Variants in PGBD1 observed in about 807,000 individuals in gnomAD.
PGBD1 encodes the protein piggyBac transposable element-derived protein 1.
In PGBD1, 25 loss-of-function variants were observed where a neutral mutation model predicts 34.7. The observed-to-expected ratio is 0.72, with a 90% confidence interval of 0.52 to 1.00. PGBD1 has a LOEUF of 1.00. Among genes scored for constraint, PGBD1 ranks in the 50% least tolerant of loss-of-function variants. The probability of loss-of-function intolerance (pLI) is 0.00; values close to 1 mark genes in which losing one functional copy is unlikely to be tolerated. For missense variants in PGBD1, 830 were observed against 959.4 expected, an observed-to-expected ratio of 0.87 and a Z score of 1.78; for synonymous variants, 292 against 335.7, an observed-to-expected ratio of 0.87 and a Z score of 1.42.
Position 28,302,251 on chromosome 6 carries a change from C to T in PGBD1, c.2397C>T (p.Phe799=). ...PLDFRRFVAH[F]YLEHNAHLSD ...ATTTTCGGAGATTTGTTGCACATTT[C>T]TACTTGGAACACAATGCTCATCTGT... Residue 799 remains phenylalanine (F), a synonymous_variant, in exon 7 of 7, where the codon TTC becomes TTT. Transcript: ENST00000682144. 6.2e-7 allele frequency: 1 copy of T among 1,613,624 alleles called. No homozygotes were observed. Among genetic ancestry groups the T allele is most frequent in the Non-Finnish European group, 8.5e-7 (1 of 1,179,648 alleles).
rs1561885351 is a variant in PGBD1 at position 28,285,638 on chromosome 6, C to T, written c.484C>T (p.Leu162=). ...VSLECQSLQL[L]PGITTLKCEP... Reference sequence around the variant, plus strand: ...TTTGGAGTGTCAGAGCCTCCAGCTCCTGCCTGGGATAACCACCCTGAAGTG... The same window carrying T: ...TTTGGAGTGTCAGAGCCTCCAGCTCTTGCCTGGGATAACCACCCTGAAGTG... The change falls in exon 3 of 7, where the codon CTG becomes TTG. Residue 162 remains leucine, a synonymous_variant. Coordinates refer to ENST00000682144, the MANE Select transcript of PGBD1 (RefSeq NM_032507.4). The T allele has an allele frequency of 6.2e-7, 1 of 1,614,054 alleles. No homozygotes were observed. The highest frequency in any genetic ancestry group is 8.5e-7 in the Non-Finnish European group (1 of 1,180,046).
chr6:28,285,114 A>G lies in PGBD1; in HGVS notation c.397-437A>G, dbSNP rs184403380. On this transcript the variant is annotated intron_variant, in intron 2 of 6. Coordinates refer to ENST00000682144, the MANE Select transcript of PGBD1 (RefSeq NM_032507.4). ...AGTACAGCTAGTTTTTTTGGAGACT[A>G]TCCCTCAATTTGAGTTTGTCCTATA... 5.9e-5 allele frequency among the ~76,000 whole-genome samples: 9 copies of G among 152,294 alleles called. No individual in the cohort carries two copies. The East Asian group carries it at 1.5e-3, about 26-fold the overall frequency.
chr6:28,296,313 T>C (rs1701461936), intron 4 of PGBD1, among the ~76,000 whole-genome samples: 1 of 152,254 alleles, frequency 6.6e-6, no homozygotes, highest in South Asian at 2.1e-4. Flanking sequence ...TGCAATATTA[T>C]ATTGAAGTGC....
intron 2 of PGBD1, 107 bp downstream of exon 2, chr6:28,284,316 G>A (rs1271383200): frequency 8.1e-7 from 1 of 1,237,814 alleles, no homozygotes; most frequent in Non-Finnish European, 1.1e-6. Context: ...AGAAGTATTA[G>A]AAGAATAGAG....
Position 28,296,971 on chromosome 6 carries a change from C to G in PGBD1, c.772+26C>G, listed in dbSNP as rs200730164. Reference sequence around the variant, plus strand: ...GTAAGGCCAGGCCTCTGGCTGGACCCCTGTCTGGACTCTCATTTTCCTGTC... The same window carrying G: ...GTAAGGCCAGGCCTCTGGCTGGACCGCTGTCTGGACTCTCATTTTCCTGTC... On this transcript the variant is annotated intron_variant, in intron 5 of 6. Transcript: ENST00000682144. 3.1e-4 allele frequency: 493 copies of G among 1,612,490 alleles called. 2 individuals are homozygous for G. The highest frequency in any genetic ancestry group is 8.5e-4 in the Middle Eastern group (5 of 5,868).
chr6:28,297,128 T>A (rs1187851557), intron 5 of PGBD1, among the ~76,000 whole-genome samples, 183 bp downstream of exon 5: 2 of 152,242 alleles, frequency 1.3e-5, no homozygotes, highest in Non-Finnish European at 2.9e-5. Context: ...CATTTTCTTC[T>A]GTTACTAATC....
chr6:28,287,178 A>G lies in PGBD1; in HGVS notation c.642+10A>G. ...CCCAGTCAGGTCCCAGGTAAGTAGG[A>G]TGCCCAAGCTTGTAGGAATATCAGT... is the stretch of plus-strand genomic sequence containing the variant. On this transcript the variant is annotated intron_variant, in intron 4 of 6. Coordinates refer to ENST00000682144, the MANE Select transcript of PGBD1 (RefSeq NM_032507.4). 6.3e-7 allele frequency: 1 copy of G among 1,596,346 alleles called. No homozygotes were observed. The highest frequency in any genetic ancestry group is 1.7e-5 in the Admixed American group (1 of 59,984).
At chr6:28,290,376 G>A (rs907134091) in intron 4 of PGBD1, among the ~76,000 whole-genome samples, 6 of 152,210 alleles carry the variant, frequency 3.9e-5, no homozygotes, top group East Asian at 1.9e-4. Context: ...GATTACAGGC[G>A]TGAGACACCA....
chr6:28,284,339 AC>A, intron 2 of PGBD1, 130 bp downstream of exon 2: 1 of 1,071,716 alleles, frequency 9.3e-7, no homozygotes, highest in Non-Finnish European at 1.2e-6. Context: ...CTCCCGTAAA[AC>A]TCTTCATCCA....
intron 2 of PGBD1, 77 bp from the exon 3 acceptor site, chr6:28,285,474 G>A: frequency 1.4e-6 from 2 of 1,420,088 alleles, no homozygotes; most frequent in Non-Finnish European, 1.9e-6. Context: ...TGTATCCCCA[G>A]CATGTAGAAC....
intron 4 of PGBD1, among the ~76,000 whole-genome samples, chr6:28,290,360 T>C (rs969899543): frequency 1.3e-5 from 2 of 152,178 alleles, no homozygotes; most frequent in Admixed American, 1.3e-4. Flanking sequence ...CCTCCCAAAG[T>C]TCTGGGATTA....
At chr6:28,298,914 G>C (rs1762738957) in intron 6 of PGBD1, among the ~76,000 whole-genome samples, 2 of 152,112 alleles carry the variant, frequency 1.3e-5, no homozygotes, top group Admixed American at 1.3e-4. Context: ...AGAAAAGAGA[G>C]AGTAAGCAAG....
Position 28,301,268 on chromosome 6 carries a change from C to T in PGBD1, c.1414C>T (p.His472Tyr), listed in dbSNP as rs1351210315. 1.2e-6 allele frequency: 2 copies of T among 1,614,048 alleles called. No homozygotes were observed. The highest frequency in any genetic ancestry group is 1.7e-5 in the Admixed American group (1 of 60,018). ...CTTACTTTTGAGTGGATTTATGAGG[C>T]ATCCTAGAAGGGAAATGTATTGGGA... ...GVLLLSGFMR[H>Y]PRREMYWEVS... is the part of the protein sequence containing the mutation. The change falls in exon 7 of 7, where the codon CAT becomes TAT. Residue 472 changes from histidine to tyrosine, a missense_variant. This residue lies in a region of PGBD1 where 372 missense variants were observed against 427.9 expected (regional missense o/e 0.87). Coordinates refer to ENST00000682144, the MANE Select transcript of PGBD1 (RefSeq NM_032507.4).
chr6:28,293,006 G>A (rs568405818), intron 4 of PGBD1, among the ~76,000 whole-genome samples: 1 of 152,006 alleles, frequency 6.6e-6, no homozygotes, highest in African/African-American at 2.4e-5. Flanking sequence ...GCAGTGGCGC[G>A]ATCTCAGCTC....
In PGBD1 at chr6:28,285,688, G is replaced by A; in HGVS notation, c.534G>A (p.Gly178=). The change falls in exon 3 of 7, where the codon GGG becomes GGA. Residue 178 remains glycine, a synonymous_variant. Transcript: ENST00000682144. ...GTGAACCTCCACAGCGTCCTCAAGG[G>A]AACCCCCAAGAAGTGAGTGGTGAGT... ...LKCEPPQRPQ[G]NPQEVSGPVP... 1 of 1,613,584 alleles carries A rather than the reference G, an allele frequency of 6.2e-7. No homozygotes were observed. The highest frequency in any genetic ancestry group is 1.1e-5 in the South Asian group (1 of 91,054).
At chr6:28,297,792 G>T in intron 5 of PGBD1, 103 bp from the exon 6 acceptor site, 1 of 630,606 alleles carries the variant, frequency 1.6e-6, no homozygotes. Flanking sequence ...GTTTGATTTG[G>T]AACATCTATT....
chr6:28,287,511 C>T (rs1312388395), intron 4 of PGBD1, among the ~76,000 whole-genome samples: 3 of 152,104 alleles, frequency 2.0e-5, no homozygotes, highest in Non-Finnish European at 4.4e-5. Context: ...TGGTTTATCT[C>T]CCCAGCTTTA....
At chr6:28,296,762 G>T in intron 4 of PGBD1, 54 bp from the exon 5 acceptor site, 1 of 1,601,268 alleles carries the variant, frequency 6.2e-7, no homozygotes, top group Non-Finnish European at 8.5e-7. Flanking sequence ...CTTCACAACT[G>T]GATTCCTTAC....
At chr6:28,287,274 T>A in intron 4 of PGBD1, 106 bp downstream of exon 4, 1 of 922,568 alleles carries the variant, frequency 1.1e-6, no homozygotes, top group Non-Finnish European at 1.8e-6. Flanking sequence ...TGAGAGCCAT[T>A]CAGGTGGCAT....
Sources: allele counts gnomAD v4.1 joint callset (sites outside exome capture counted in the v4.1 genomes callset), GRCh38; gene constraint gnomAD v4.1.1; regional missense constraint gnomAD v4.1.1; transcripts MANE v1.5; gene names NCBI Gene and HGNC (gene_info 2026-07-23, HGNC 2026-07-21).